SLC47A2: variants seen among roughly 807,000 people sequenced by gnomAD.
SLC47A2 encodes the protein multidrug and toxin extrusion protein 2.
Under a neutral mutation model 67.7 loss-of-function variants are expected in SLC47A2, and 52 were observed. The ratio of observed to expected loss-of-function variants is 0.77; its 90% CI spans 0.61 to 0.97. The LOEUF is 0.97. Ranked by LOEUF, SLC47A2 falls within the 50% of genes least tolerant of loss-of-function variation. The pLI, the probability that SLC47A2 is intolerant of heterozygous loss-of-function variation, is 0.00. For missense variants in SLC47A2, 676 were observed against 712.3 expected (o/e 0.95, Z 0.58); for synonymous variants, 278 against 292.9 (o/e 0.95, Z 0.52).
chr17:19,683,054 G>T (rs2085349831), intron 13 of SLC47A2, among the ~76,000 whole-genome samples: 1 of 152,142 alleles, frequency 6.6e-6, no homozygotes, highest in African/African-American at 2.4e-5. Flanking sequence ...CTGGGGTTAG[G>T]AGATGTATGC....
intron 13 of SLC47A2, among the ~76,000 whole-genome samples, chr17:19,682,612 G>A (rs1392556124): frequency 1.3e-5 from 2 of 152,118 alleles, no homozygotes; most frequent in Non-Finnish European, 2.9e-5. Flanking sequence ...TTTACATTGG[G>A]CCCACTTGGA....
chr17:19,712,981 C>G (rs571546458), intron 4 of SLC47A2, among the ~76,000 whole-genome samples: 3 of 151,936 alleles, frequency 2.0e-5, no homozygotes, highest in Non-Finnish European at 4.4e-5. Context: ...TTCAGAGTAA[C>G]GTGGTTCGTA....
At chr17:19,700,899 C>A (rs2085768174) in intron 13 of SLC47A2, among the ~76,000 whole-genome samples, 1 of 151,894 alleles carries the variant, frequency 6.6e-6, no homozygotes, top group African/African-American at 2.4e-5. Context: ...GGTGCGGTGG[C>A]TCACACCTGT....
Position 19,715,182 on chromosome 17 carries a change from G to T in SLC47A2, c.159C>A (p.Ile53=). Residue 53 remains isoleucine, a synonymous_variant, in exon 2 of 17, where the codon ATC becomes ATA. Coordinates refer to ENST00000433844, the MANE Select transcript of SLC47A2 (RefSeq NM_001099646.3). The part of the protein sequence containing the change: ...LFQVLTFMIY[I]VSTVFCGHLG... ...GGTGCCCGCAGAACACAGTGCTCAC[G>T]ATGTAGATCATAAAAGTCAGCACCT... 2 of 1,611,778 alleles carry T rather than the reference G, an allele frequency of 1.2e-6. No homozygotes were observed. The highest frequency in any genetic ancestry group is 8.5e-7 in the Non-Finnish European group (1 of 1,180,000).
intron 13 of SLC47A2, among the ~76,000 whole-genome samples, chr17:19,700,893 C>T (rs2085767936): frequency 6.6e-6 from 1 of 151,742 alleles, no homozygotes; most frequent in Admixed American, 6.6e-5. Context: ...AGGCCAGGTG[C>T]GGTGGCTCAC....
intron 13 of SLC47A2, among the ~76,000 whole-genome samples, chr17:19,697,087 C>T (rs1332564920): frequency 1.3e-5 from 2 of 152,034 alleles, no homozygotes; most frequent in African/African-American, 4.8e-5. Flanking sequence ...GTCAGGAGTT[C>T]GAGACCATCC....
At chr17:19,704,519 G>T (rs1471203673) in intron 10 of SLC47A2, 2 of 927,590 alleles carry the variant, frequency 2.2e-6, no homozygotes, top group African/African-American at 1.7e-5. Context: ...TCCCAGAAAA[G>T]CTCCCTGTAA....
At chr17:19,690,625 C>T (rs984517443) in intron 13 of SLC47A2, among the ~76,000 whole-genome samples, 1 of 151,938 alleles carries the variant, frequency 6.6e-6, no homozygotes, top group African/African-American at 2.4e-5. Context: ...AAAAATAATC[C>T]TAAAATGTAT....
rs1359254906 is a variant in SLC47A2 at position 19,714,717 on chromosome 17, C to T, written c.294+4G>A. 6.2e-7 allele frequency: 1 copy of T among 1,614,024 alleles called. No homozygotes were observed. Among genetic ancestry groups the T allele is most frequent in the Non-Finnish European group, 8.5e-7 (1 of 1,180,042 alleles). ...TTCCTGCCCAGCTCCAGGAGGCCACCCACCTGAGACATCAAGGTGTCACAT... is the reference window on the plus strand; with the variant it reads ...TTCCTGCCCAGCTCCAGGAGGCCACTCACCTGAGACATCAAGGTGTCACAT... On this transcript the variant is annotated splice_donor_region_variant and intron_variant, in intron 3 of 16. Transcript: ENST00000433844.
At chr17:19,711,897 G>T (rs1238499114) in intron 5 of SLC47A2, among the ~76,000 whole-genome samples, 4 of 151,912 alleles carry the variant, frequency 2.6e-5, no homozygotes, top group African/African-American at 9.7e-5. Flanking sequence ...AATAGAGATT[G>T]GTTAATAAGT....
rs201131025 is a variant in SLC47A2, at chr17:19,702,582, C to T, written c.1164+23G>A. 6.8e-5 allele frequency: 110 copies of T among 1,613,320 alleles called. No homozygotes were observed. In the African/African-American group the frequency reaches 1.3e-3, roughly 20 times the overall value. On this transcript the variant is annotated intron_variant, in intron 13 of 16. Transcript: ENST00000433844. Reference sequence around the variant, plus strand: ...ATAAATCATGTCCCAGGGAGTCAGGCTTTGGATCAAAGTGGTACTTACACA... The same window carrying T: ...ATAAATCATGTCCCAGGGAGTCAGGTTTTGGATCAAAGTGGTACTTACACA...
intron 9 of SLC47A2, 98 bp from the exon 10 acceptor site, chr17:19,705,601 T>A: frequency 8.8e-7 from 1 of 1,139,678 alleles, no homozygotes; most frequent in Non-Finnish European, 1.2e-6. Context: ...CAGGGGCTTT[T>A]TTTTTTTTTC....
chr17:19,717,115 C>T (rs1288551952), upstream of SLC47A2: 1 of 154,290 alleles, frequency 6.5e-6, no homozygotes, highest in Admixed American at 6.4e-5. Flanking sequence ...CATGGCAGTG[C>T]GGTCCCTAGC....
upstream of SLC47A2, chr17:19,716,834 C>T: frequency 2.4e-6 from 1 of 421,236 alleles, no homozygotes; most frequent in African/African-American, 2.0e-5. Context: ...GAGGGATTGG[C>T]AGTAAGGCCT....
Position 19,706,724 on chromosome 17 carries a change from G to A in SLC47A2, c.765C>T (p.Phe255=). The change falls in exon 9 of 17, where the codon TTC becomes TTT. Residue 255 remains phenylalanine (F), a synonymous_variant. Coordinates refer to ENST00000433844, the MANE Select transcript of SLC47A2 (RefSeq NM_001099646.3). The stretch of plus-strand genomic sequence containing the variant: ...GCATGCTGGGGACAGCCAGGGAGAA[G>A]AAGGGGCCCCAGTCCTGCAGGCACT... The part of the protein sequence containing the change: ...SSQCLQDWGP[F]FSLAVPSMLM... 1.2e-6 allele frequency: 2 copies of A among 1,611,502 alleles called. No individual in the cohort carries two copies. Among genetic ancestry groups the A allele is most frequent in the African/African-American group, 1.3e-5 (1 of 74,896 alleles).
chr17:19,705,537 A>G (rs2152352423), intron 9 of SLC47A2, 34 bp from the exon 10 acceptor site: 1 of 1,595,532 alleles, frequency 6.3e-7, no homozygotes, highest in East Asian at 2.3e-5. Flanking sequence ...TCCGGCCCGC[A>G]GCCCCAGACA....
rs2085414666 is a variant in SLC47A2 at position 19,685,747 on chromosome 17, C to G, written c.1165-4077G>C. Among the ~76,000 whole-genome samples the G allele has an allele frequency of 6.6e-6, 1 of 152,144 alleles. No homozygotes were observed. The highest frequency in any genetic ancestry group is 1.5e-5 in the Non-Finnish European group (1 of 68,032). ...TGCTGGCCTTCTCTCCACTATTATC[C>G]TATGACCCTGCCACATCCCCCTCTC... is the stretch of plus-strand genomic sequence containing the variant. On this transcript the variant is annotated intron_variant, in intron 13 of 16. Transcript: ENST00000433844. This position sits in a 1 kb window ranked among gnomAD's most constrained non-coding sequence, Gnocchi z 4.5.
chr17:19,706,051 AG>A (rs2085926925), intron 9 of SLC47A2, among the ~76,000 whole-genome samples: 4 of 152,270 alleles, frequency 2.6e-5, no homozygotes, highest in South Asian at 2.1e-4. Flanking sequence ...TGGCAGTGTG[AG>A]GGAGGGGACA....
intron 5 of SLC47A2, 79 bp downstream of exon 5, chr17:19,712,624 C>G (rs1433735437): frequency 1.4e-6 from 2 of 1,470,296 alleles, no homozygotes; most frequent in Non-Finnish European, 1.9e-6. Context: ...AGGGATCTTC[C>G]GCAGCAGATA....
Sources: gnomAD v4.1 joint callset for allele counts (sites outside exome capture counted in the v4.1 genomes callset) on GRCh38, gnomAD v4.1.1 for gene constraint, Gnocchi (gnomAD v3.1) non-coding constraint, MANE v1.5 for transcripts, NCBI Gene and HGNC (gene_info 2026-07-23, HGNC 2026-07-21) for gene names.